Variants in DNAH6 observed in about 807,000 individuals in gnomAD.
DNAH6 encodes dynein axonemal heavy chain 6.
DNAH6 carries 340 observed loss-of-function variants against 491.4 expected under a neutral mutation model. The ratio of observed to expected loss-of-function variants is 0.69; its 90% CI spans 0.63 to 0.76. The LOEUF is 0.76. Ranked by LOEUF, DNAH6 falls within the 30% of genes least tolerant of loss-of-function variation. The probability of loss-of-function intolerance (pLI) is 0.00; values close to 1 mark genes in which losing one functional copy is unlikely to be tolerated. For missense variants in DNAH6, 4,443 were observed against 4,972.2 expected (o/e 0.89, Z 3.20); for synonymous variants, 1,603 against 1,686.1 (o/e 0.95, Z 1.21).
At chr2:84,663,209 G>C (rs776826573) in intron 37 of DNAH6, among the ~76,000 whole-genome samples, 1 of 152,184 alleles carries the variant, frequency 6.6e-6, no homozygotes, top group African/African-American at 2.4e-5. Context: ...ACAGCTCCTC[G>C]CCAGCAATGG....
At chr2:84,502,538 C>T in the DNAH6 span, among the ~76,000 whole-genome samples, 1 of 152,128 alleles carries the variant, frequency 6.6e-6, no homozygotes, top group African/African-American at 2.4e-5. Flanking sequence ...GATCCATTTG[C>T]TCTATAATGC....
intron 62 of DNAH6, 24 bp downstream of exon 62, chr2:84,733,603 T>C (rs1046027979): frequency 6.5e-7 from 1 of 1,547,414 alleles, no homozygotes; most frequent in African/African-American, 1.4e-5. Context: ...AAGAACCTGC[T>C]GAGGAGGCTT....
At chr2:84,675,427 T>C (rs1051639219) in intron 40 of DNAH6, among the ~76,000 whole-genome samples, 2 of 152,098 alleles carry the variant, frequency 1.3e-5, no homozygotes, top group African/African-American at 4.8e-5. Context: ...CAGATTCTTC[T>C]TCCTACCAAA....
intron 70 of DNAH6, among the ~76,000 whole-genome samples, chr2:84,801,010 A>T (rs1678841221): frequency 1.4e-5 from 2 of 146,304 alleles, no homozygotes; most frequent in Non-Finnish European, 3.0e-5. Context: ...AAAACCAAAC[A>T]CCCCATATTC....
intron 9 of DNAH6, 98 bp downstream of exon 9, chr2:84,550,155 A>G: frequency 1.0e-6 from 1 of 993,442 alleles, no homozygotes; most frequent in Non-Finnish European, 1.4e-6. Context: ...TGCACTAAAA[A>G]AAAAAGAGAA....
chr2:84,645,402 A>G (rs541676772), intron 33 of DNAH6, among the ~76,000 whole-genome samples: 27 of 152,254 alleles, frequency 1.8e-4, no homozygotes, highest in African/African-American at 6.3e-4. Context: ...CTGGACAACA[A>G]AAGTGAAACT....
At chr2:84,728,108 C>T in intron 61 of DNAH6, among the ~76,000 whole-genome samples, 1 of 152,150 alleles carries the variant, frequency 6.6e-6, no homozygotes. Flanking sequence ...TAAGGGGAAA[C>T]CCTTTTCACT....
intron 18 of DNAH6, among the ~76,000 whole-genome samples, chr2:84,603,890 T>C (rs1685505369): frequency 6.6e-6 from 1 of 152,198 alleles, no homozygotes; most frequent in African/African-American, 2.4e-5. Flanking sequence ...GCCAGCATCA[T>C]AAGGGAAGCT....
At chr2:84,499,514 A>T in the DNAH6 span, among the ~76,000 whole-genome samples, 3 of 152,218 alleles carry the variant, frequency 2.0e-5, no homozygotes, top group Admixed American at 2.0e-4. Flanking sequence ...AGGAGTACAG[A>T]TATCTCTTCA....
intron 11 of DNAH6, among the ~76,000 whole-genome samples, chr2:84,559,791 T>C (rs1457725836): frequency 6.6e-6 from 1 of 151,730 alleles, no homozygotes; most frequent in Non-Finnish European, 1.5e-5. Context: ...CATTCAAATA[T>C]ACAAAAAGCC....
chr2:84,618,121 C>A (rs188980233), intron 23 of DNAH6, among the ~76,000 whole-genome samples: 2,036 of 152,194 alleles, frequency 0.013, 22 homozygotes, highest in Non-Finnish European at 0.019. Flanking sequence ...ACAGAAGCCA[C>A]TCTAAGTGTT....
At chr2:84,469,553 G>A in the DNAH6 span, among the ~76,000 whole-genome samples, 1 of 152,188 alleles carries the variant, frequency 6.6e-6, no homozygotes, top group African/African-American at 2.4e-5. This position sits in a 1 kb window ranked among gnomAD's most constrained non-coding sequence, Gnocchi z 4.0. Context: ...AAGTAGAGAA[G>A]TAAAGTATTG....
In DNAH6 at chr2:84,819,526, G is replaced by T. The variant is rs1351940045; in HGVS notation, c.*118G>T. 5.0e-6 allele frequency: 3 copies of T among 603,420 alleles called. No individual in the cohort carries two copies. The highest frequency in any genetic ancestry group is 8.4e-6 in the Non-Finnish European group (3 of 357,028). The allele number at this position is 603,420 out of a possible 1,614,324, so 37.4% of individuals were successfully genotyped here. ...GTGTTAATTCTGATTTGACTTAAAC[G>T]TATTGTGACTTTTATTTCTCTTATG... is the stretch of plus-strand genomic sequence containing the variant. On this transcript the variant is annotated 3_prime_UTR_variant, in exon 77 of 77. Transcript: ENST00000389394.
At chr2:84,637,489 CATT>C (rs1688994387) in intron 31 of DNAH6, 112 bp downstream of exon 31, 1 of 1,180,182 alleles carries the variant, frequency 8.5e-7, no homozygotes. Context: ...AATGGTTACA[CATT>C]ATTAAGTGTA....
At chr2:84,760,241 T>C (rs1334688173) in intron 63 of DNAH6, among the ~76,000 whole-genome samples, 1 of 152,138 alleles carries the variant, frequency 6.6e-6, no homozygotes, top group Non-Finnish European at 1.5e-5. Context: ...AAACTCTTCT[T>C]GACATTGGTC....
At chr2:84,509,281 C>T in the DNAH6 span, among the ~76,000 whole-genome samples, 2 of 151,010 alleles carry the variant, frequency 1.3e-5, no homozygotes, top group East Asian at 3.9e-4. Flanking sequence ...AGGATATGCA[C>T]TTTAGGATAG....
At chr2:84,630,419 A>G (rs1197074014) in intron 29 of DNAH6, among the ~76,000 whole-genome samples, 2 of 152,186 alleles carry the variant, frequency 1.3e-5, no homozygotes, top group Non-Finnish European at 2.9e-5. Flanking sequence ...TAATGAATCT[A>G]ATGGAGTCTC....
chr2:84,498,094 T>C, the DNAH6 span, among the ~76,000 whole-genome samples: 1 of 152,226 alleles, frequency 6.6e-6, no homozygotes, highest in Non-Finnish European at 1.5e-5. Context: ...AATCAGGTAC[T>C]GCAGAAAACC....
chr2:84,491,618 A>G, the DNAH6 span, among the ~76,000 whole-genome samples: 2 of 152,198 alleles, frequency 1.3e-5, no homozygotes, highest in Non-Finnish European at 2.9e-5. Flanking sequence ...TTCTATCTTC[A>G]TTGTGGACAT....
Sources: gnomAD v4.1 joint callset for allele counts (sites outside exome capture counted in the v4.1 genomes callset) on GRCh38, gnomAD v4.1.1 for gene constraint, Gnocchi (gnomAD v3.1) non-coding constraint, MANE v1.5 for transcripts, NCBI Gene and HGNC (gene_info 2026-07-23, HGNC 2026-07-21) for gene names.